Variants in SCFD2 observed in about 807,000 individuals in gnomAD.
SCFD2 encodes sec1 family domain containing 2.
SCFD2 carries 54 observed loss-of-function variants against 58.9 expected under a neutral mutation model. That is an observed-to-expected ratio of 0.92 (90% confidence interval 0.74 to 1.15). The LOEUF is 1.15. SCFD2 is among the 50% of genes most tolerant of loss of function. The probability of loss-of-function intolerance (pLI) is 0.00; values close to 1 mark genes in which losing one functional copy is unlikely to be tolerated. For synonymous variants in SCFD2, 321 were observed against 335.9 expected, an observed-to-expected ratio of 0.96 and a Z score of 0.49; for missense variants, 805 against 836.6, an observed-to-expected ratio of 0.96 and a Z score of 0.47.
chr4:53,252,094 A>T (rs1577899128), intron 4 of SCFD2, among the ~76,000 whole-genome samples: 2 of 149,602 alleles, frequency 1.3e-5, no homozygotes, highest in East Asian at 3.9e-4. Context: ...CCAATAACAG[A>T]CAAACAGAGA....
At chr4:52,900,857 A>C (rs1719176773) in intron 7 of SCFD2, among the ~76,000 whole-genome samples, 1 of 152,076 alleles carries the variant, frequency 6.6e-6, no homozygotes, top group Non-Finnish European at 1.5e-5. Context: ...CCCCTCCCCC[A>C]GCCTCGCTGC....
intron 2 of SCFD2, among the ~76,000 whole-genome samples, chr4:53,324,964 T>G (rs896325572): frequency 6.6e-6 from 1 of 152,076 alleles, no homozygotes; most frequent in Non-Finnish European, 1.5e-5. Flanking sequence ...GTAGATAAAA[T>G]CAAATTGTGA....
At chr4:52,976,429 T>A (rs1446400650) in intron 5 of SCFD2, among the ~76,000 whole-genome samples, 1 of 152,214 alleles carries the variant, frequency 6.6e-6, no homozygotes, top group African/African-American at 2.4e-5. Flanking sequence ...GCTCTCCTCC[T>A]ATCAAGCTTT....
chr4:53,274,864 T>C (rs567456251), intron 3 of SCFD2, among the ~76,000 whole-genome samples: 1 of 152,294 alleles, frequency 6.6e-6, no homozygotes, highest in East Asian at 1.9e-4. Flanking sequence ...AAAAAGGCAA[T>C]GGGGCCAAAC....
At chr4:53,246,659 C>T (rs529511931) in intron 4 of SCFD2, among the ~76,000 whole-genome samples, 2 of 152,024 alleles carry the variant, frequency 1.3e-5, no homozygotes, top group African/African-American at 4.8e-5. Flanking sequence ...GAAAGTGGAC[C>T]CTTTCCTTAT....
chr4:53,135,539 G>C (rs867085175), intron 5 of SCFD2, among the ~76,000 whole-genome samples: 1 of 152,056 alleles, frequency 6.6e-6, no homozygotes, highest in Non-Finnish European at 1.5e-5. Context: ...ATCAGAGATC[G>C]AGACCATCCT....
intron 5 of SCFD2, among the ~76,000 whole-genome samples, chr4:53,131,980 T>C (rs1281366012): frequency 1.3e-5 from 2 of 152,384 alleles, no homozygotes; most frequent in South Asian, 2.1e-4. Context: ...ATATGGACAG[T>C]ATGTGTCATG....
intron 4 of SCFD2, among the ~76,000 whole-genome samples, chr4:53,252,767 C>T (rs1730443061): frequency 6.6e-6 from 1 of 152,140 alleles, no homozygotes; most frequent in Non-Finnish European, 1.5e-5. Flanking sequence ...AAACATTAGA[C>T]CTAAAACCAT....
At chr4:53,312,078 GAAGA>G (rs1732710474) in intron 3 of SCFD2, among the ~76,000 whole-genome samples, 1 of 152,104 alleles carries the variant, frequency 6.6e-6, no homozygotes, top group Non-Finnish European at 1.5e-5. Context: ...CAGAAGGAAG[GAAGA>G]AAGGAGGAAG....
Position 53,165,759 on chromosome 4 carries a change from C to G in SCFD2, c.1312-20177G>C, listed in dbSNP as rs73143469. Among the ~76,000 whole-genome samples, 1,379 of 152,180 alleles carry G rather than the reference C, an allele frequency of 9.1e-3. 17 individuals carry two copies. The highest frequency in any genetic ancestry group is 0.031 in the African/African-American group (1,305 of 41,440). ...GTTGAATGTTTGAGTGTTTTGCTCA[C>G]TGCTGTAGCCCCAGTGTCTAAAACA... On this transcript the variant is annotated intron_variant, in intron 4 of 8. Coordinates refer to ENST00000401642, the MANE Select transcript of SCFD2 (RefSeq NM_152540.4).
chr4:53,182,762 A>T (rs935003709), intron 4 of SCFD2, among the ~76,000 whole-genome samples: 3 of 152,036 alleles, frequency 2.0e-5, no homozygotes, highest in African/African-American at 7.2e-5. Context: ...CATCTGACAA[A>T]GGGCTAATAT....
At position 52,928,453 on chromosome 4, in the gene SCFD2, T is replaced by C. The variant is rs541296789; in HGVS notation, c.1562-7583A>G. Among the ~76,000 whole-genome samples, 4 of 152,158 alleles carry C rather than the reference T, an allele frequency of 2.6e-5. No individual in the cohort carries two copies. In the East Asian group the frequency reaches 5.8e-4, roughly 22 times the overall value. ...GACACCTCAGCAGGTGTGGAGGTAA[T>C]GATATAAAGATGCCTGGATTAGTGA... On this transcript the variant is annotated intron_variant, in intron 5 of 8. Transcript: ENST00000401642.
chr4:53,292,293 AT>A (rs1237949262), intron 3 of SCFD2, among the ~76,000 whole-genome samples: 1 of 152,318 alleles, frequency 6.6e-6, no homozygotes, highest in Non-Finnish European at 1.5e-5. Flanking sequence ...AATTTTTGCA[AT>A]CTATCTATCT....
intron 5 of SCFD2, chr4:52,956,166 G>A: frequency 2.2e-6 from 1 of 456,690 alleles, no homozygotes; most frequent in Non-Finnish European, 4.4e-6. Context: ...CAAGACTACT[G>A]CTGGAGCTCA....
intron 3 of SCFD2, among the ~76,000 whole-genome samples, chr4:53,285,287 A>G (rs1439824671): frequency 6.6e-6 from 1 of 152,110 alleles, no homozygotes; most frequent in Non-Finnish European, 1.5e-5. Flanking sequence ...GGCACATAAT[A>G]GGTAGATTGC....
intron 4 of SCFD2, among the ~76,000 whole-genome samples, chr4:53,195,567 T>C (rs1045280965): frequency 2.0e-5 from 3 of 152,176 alleles, no homozygotes; most frequent in Admixed American, 6.6e-5. Context: ...CCACTTCTCA[T>C]AGTCAGCCCC....
chr4:53,087,540 T>C (rs1217522678), intron 5 of SCFD2, among the ~76,000 whole-genome samples: 1 of 152,062 alleles, frequency 6.6e-6, no homozygotes, highest in Non-Finnish European at 1.5e-5. Flanking sequence ...TCCATGTTGG[T>C]CAGGCTAGTC....
At chr4:52,899,160 G>T (rs1719110133) in intron 7 of SCFD2, among the ~76,000 whole-genome samples, 1 of 152,152 alleles carries the variant, frequency 6.6e-6, no homozygotes, top group African/African-American at 2.4e-5. Flanking sequence ...TTTAAGGTTA[G>T]TATTGTAATG....
At chr4:53,266,850 A>G (rs1730999850) in intron 4 of SCFD2, among the ~76,000 whole-genome samples, 3 of 152,340 alleles carry the variant, frequency 2.0e-5, no homozygotes, top group African/African-American at 2.4e-5. Flanking sequence ...CGGCTTTTCA[A>G]ATTGTACTCA....
Sources: allele counts gnomAD v4.1 joint callset (sites outside exome capture counted in the v4.1 genomes callset), GRCh38; gene constraint gnomAD v4.1.1; transcripts MANE v1.5; gene names NCBI Gene and HGNC (gene_info 2026-07-23, HGNC 2026-07-21).